DPYSL2: variants seen among roughly 807,000 people sequenced by gnomAD.
The protein encoded by DPYSL2 is dihydropyrimidinase like 2, also known as dihydropyrimidinase-related protein 2.
In DPYSL2, 13 loss-of-function variants were observed where a neutral mutation model predicts 69.9. The observed-to-expected ratio is 0.19, with a 90% CI of 0.12 to 0.30. The LOEUF is 0.30. Ranked by LOEUF, DPYSL2 falls within the 10% of genes least tolerant of loss-of-function variation. The pLI is 1.00. For missense variants in DPYSL2, 587 were observed against 918.9 expected (o/e 0.64, Z 4.67); for synonymous variants, 326 against 359.1 (o/e 0.91, Z 1.04).
intron 1 of DPYSL2, among the ~76,000 whole-genome samples, chr8:26,567,409 C>T (rs949810635): frequency 1.3e-5 from 2 of 151,356 alleles, no homozygotes; most frequent in Non-Finnish European, 3.0e-5. Flanking sequence ...TCCACCCCAC[C>T]CATCTACTAT....
chr8:26,563,799 A>G (rs1441173945), intron 1 of DPYSL2, among the ~76,000 whole-genome samples: 1 of 152,168 alleles, frequency 6.6e-6, no homozygotes, highest in Non-Finnish European at 1.5e-5. Flanking sequence ...TTTTTTTACT[A>G]TCATATCCCT....
Position 26,516,052 on chromosome 8 carries a change from G to A in DPYSL2, c.354+1373G>A, listed in dbSNP as rs1346572208. 6.6e-6 allele frequency among the ~76,000 whole-genome samples: 1 copy of A among 152,192 alleles called. No homozygotes were observed. Among genetic ancestry groups the A allele is most frequent in the East Asian group, 1.9e-4 (1 of 5,204 alleles). ...TGTGACATAGAGTTTTGCAGCTTTT[G>A]ACTTTTGTAGGGTCAAGTCTAGGAA... is the stretch of plus-strand genomic sequence containing the variant. On this transcript the variant is annotated intron_variant, in intron 1 of 13. Coordinates refer to ENST00000521913, the MANE Select transcript of DPYSL2 (RefSeq NM_001197293.3). This position sits in a 1 kb window ranked among gnomAD's most constrained non-coding sequence, Gnocchi z 4.8.
intron 10 of DPYSL2, among the ~76,000 whole-genome samples, chr8:26,645,755 G>T (rs888549053): frequency 6.6e-6 from 1 of 152,054 alleles, no homozygotes; most frequent in Non-Finnish European, 1.5e-5. Context: ...TCACCATATT[G>T]GCCAGGCTGG....
At position 26,582,884 on chromosome 8, in the gene DPYSL2, C is replaced by T. The variant is rs1801520148; in HGVS notation, c.443+827C>T. Among the ~76,000 whole-genome samples, 1 of 152,178 alleles carries T rather than the reference C, an allele frequency of 6.6e-6. No homozygotes were observed. The highest frequency in any genetic ancestry group is 1.5e-5 in the Non-Finnish European group (1 of 68,040). On this transcript the variant is annotated intron_variant, in intron 2 of 13. Coordinates refer to ENST00000521913, the MANE Select transcript of DPYSL2 (RefSeq NM_001197293.3). The surrounding 1 kb of genome is among the most constrained non-coding windows in gnomAD (Gnocchi z 4.1). ...TGGCTGTGACTGTTGCCTGGGAGCTCACACCCAGATTTATGAACCTAAAAT... is the reference window on the plus strand; with the variant it reads ...TGGCTGTGACTGTTGCCTGGGAGCTTACACCCAGATTTATGAACCTAAAAT...
intron 10 of DPYSL2, among the ~76,000 whole-genome samples, chr8:26,646,501 T>C (rs903408533): frequency 5.9e-5 from 9 of 152,228 alleles, no homozygotes; most frequent in African/African-American, 2.2e-4. Context: ...ATTTATTCAA[T>C]TACTGATTAG....
intron 1 of DPYSL2, among the ~76,000 whole-genome samples, chr8:26,529,183 G>A (rs888681114): frequency 2.0e-5 from 3 of 152,104 alleles, no homozygotes; most frequent in Admixed American, 6.5e-5. Flanking sequence ...GCTGGCAATA[G>A]TAGGCCTAAG....
At chr8:26,635,930 A>G (rs1802904691) in intron 8 of DPYSL2, among the ~76,000 whole-genome samples, 1 of 152,144 alleles carries the variant, frequency 6.6e-6, no homozygotes, top group African/African-American at 2.4e-5. Context: ...CACATGGATC[A>G]AGGTGGGCTG....
At position 26,655,717 on chromosome 8, in the gene DPYSL2, C is replaced by CTG; in HGVS notation, c.*14_*15dup. 6.3e-7 allele frequency: 1 copy of CTG among 1,593,718 alleles called. No individual in the cohort carries two copies. Among genetic ancestry groups the CTG allele is most frequent in the Non-Finnish European group, 8.5e-7 (1 of 1,171,540 alleles). ...ACCAGCCTGGGCTAGAGCTCCTGGG[C>CTG]TGTGCCGTCCACTGGGGACTGGGGA... On this transcript the variant is annotated 3_prime_UTR_variant, in exon 14 of 14. Transcript: ENST00000521913.
Position 26,626,518 on chromosome 8 carries a change from C to CTA in DPYSL2, c.794-99_794-98insTA. 1 of 924,054 alleles carries CTA rather than the reference C, an allele frequency of 1.1e-6. No individual in the cohort carries two copies. The highest frequency in any genetic ancestry group is 1.7e-6 in the Non-Finnish European group (1 of 591,212). The allele number at this position is 924,054 out of a possible 1,614,324, so 57.2% of individuals were successfully genotyped here. ...ACACACACACACACACACACACACA[C>CTA]ACACGTACACACACAGACAGTATTA... is the stretch of plus-strand genomic sequence containing the variant. On this transcript the variant is annotated intron_variant, in intron 4 of 13. Coordinates refer to ENST00000521913, the MANE Select transcript of DPYSL2 (RefSeq NM_001197293.3). The surrounding 1 kb of genome is among the most constrained non-coding windows in gnomAD (Gnocchi z 4.3).
At chr8:26,570,741 GAAAAA>G (rs572040580) in intron 1 of DPYSL2, among the ~76,000 whole-genome samples, 34,903 of 108,268 alleles carry the variant, frequency 0.32, 5,357 homozygotes, top group African/African-American at 0.5. Context: ...CTTAGAAAAG[GAAAAA>G]AAAAAAAAAA....
intron 3 of DPYSL2, among the ~76,000 whole-genome samples, chr8:26,599,622 C>T (rs1005280850): frequency 6.9e-6 from 1 of 144,596 alleles, no homozygotes; most frequent in Non-Finnish European, 1.5e-5. Context: ...CTCTCTCTTT[C>T]TCATTTATGT....
chr8:26,631,129 C>T (rs962022040), intron 7 of DPYSL2, among the ~76,000 whole-genome samples: 2 of 152,186 alleles, frequency 1.3e-5, no homozygotes, highest in African/African-American at 4.8e-5. Flanking sequence ...AGGGCCCTGG[C>T]TTTGCTGAAG....
rs1383127546 is a variant in DPYSL2, at chr8:26,614,145, G to GATAAAAAATAAATAAAAT, written c.629-9986_629-9985insTAAAATATAAAAAATAAA. 5.7e-4 allele frequency among the ~76,000 whole-genome samples: 87 copies of GATAAAAAATAAATAAAAT among 152,074 alleles called. 1 individual carries two copies. The highest frequency in any genetic ancestry group is 2.6e-4 in the Admixed American group (4 of 15,252). On this transcript the variant is annotated intron_variant, in intron 3 of 13. Coordinates refer to ENST00000521913, the MANE Select transcript of DPYSL2 (RefSeq NM_001197293.3). The surrounding 1 kb of genome is among the most constrained non-coding windows in gnomAD (Gnocchi z 4.9). ...CCCTGTCTCAAAAAAATAAATAAAA[G>GATAAAAAATAAATAAAAT]ATAAAAAATAAAGAAAATGAGGGTG...
intron 8 of DPYSL2, among the ~76,000 whole-genome samples, chr8:26,635,103 C>T (rs1370029619): frequency 1.3e-5 from 2 of 152,262 alleles, no homozygotes; most frequent in African/African-American, 4.8e-5. Flanking sequence ...TTGTTAGTAT[C>T]TATTTAAAGC....
intron 1 of DPYSL2, among the ~76,000 whole-genome samples, chr8:26,531,050 C>T (rs779588276): frequency 8.0e-6 from 1 of 125,292 alleles, no homozygotes; most frequent in African/African-American, 2.8e-5. Context: ...CAGAGCAAGA[C>T]CTCGTCTCAA....
chr8:26,600,840 T>A (rs1801975138), intron 3 of DPYSL2, among the ~76,000 whole-genome samples: 1 of 152,224 alleles, frequency 6.6e-6, no homozygotes, highest in Non-Finnish European at 1.5e-5. Context: ...TTTGCTCTGA[T>A]CTCACCGCAT....
At chr8:26,537,921 T>A (rs1800621814) in intron 1 of DPYSL2, among the ~76,000 whole-genome samples, 2 of 152,242 alleles carry the variant, frequency 1.3e-5, no homozygotes, top group African/African-American at 4.8e-5. Flanking sequence ...GCGTTCATCT[T>A]TCCTTGGCTC....
At position 26,556,349 on chromosome 8, in the gene DPYSL2, ATAGT is replaced by A. The variant is rs1244174367; in HGVS notation, c.355-25619_355-25616del. On this transcript the variant is annotated intron_variant, in intron 1 of 13. Coordinates refer to ENST00000521913, the MANE Select transcript of DPYSL2 (RefSeq NM_001197293.3). ...TATAGTATATATATAGTATATATAT[ATAGT>A]ATATATATATAGTATATATATATAG... Among the ~76,000 whole-genome samples, 10 of 18,332 alleles carry A rather than the reference ATAGT, an allele frequency of 5.5e-4. 1 individual carries two copies. Among genetic ancestry groups the A allele is most frequent in the South Asian group, 1.5e-3 (1 of 660 alleles). The allele number at this position is 18,332 out of a possible 152,430, so 12.0% of individuals were successfully genotyped here. A position where few individuals can be genotyped will look rare whatever the true frequency, so the allele number is the denominator to read the frequency against.
chr8:26,514,221 G>T lies in DPYSL2; in HGVS notation c.-105G>T, dbSNP rs1808231393. 1 of 1,043,208 alleles carries T rather than the reference G, an allele frequency of 9.6e-7. No homozygotes were observed. Among genetic ancestry groups the T allele is most frequent in the Non-Finnish European group, 1.3e-6 (1 of 779,150 alleles). 64.6% of individuals were successfully genotyped at this position (1,043,208 alleles called of 1,614,324 possible). On this transcript the variant is annotated 5_prime_UTR_variant, in exon 1 of 14. Transcript: ENST00000521913. This position sits in a 1 kb window ranked among gnomAD's most constrained non-coding sequence, Gnocchi z 8.4. ...GTGCACCTTGCGGTGGGCGGCGAAC[G>T]GCAGCCGCGGCAGCAGCTAGGGGGC...
Sources: gnomAD v4.1 joint callset for allele counts (sites outside exome capture counted in the v4.1 genomes callset) on GRCh38, gnomAD v4.1.1 for gene constraint, Gnocchi (gnomAD v3.1) non-coding constraint, MANE v1.5 for transcripts, NCBI Gene and HGNC (gene_info 2026-07-23, HGNC 2026-07-21) for gene names.